NAA15: variants seen among roughly 807,000 people sequenced by gnomAD.
NAA15 encodes the protein N-alpha-acetyltransferase 15, NatA auxiliary subunit.
In NAA15, 34 loss-of-function variants were observed where a neutral mutation model predicts 114.0. The observed-to-expected ratio is 0.30, with a 90% CI of 0.23 to 0.40. The LOEUF (loss-of-function observed/expected upper bound fraction) is 0.40. Among genes scored for constraint, NAA15 ranks in the 10% least tolerant of loss-of-function variants. The pLI is 1.00. For synonymous variants in NAA15, 340 were observed against 338.0 expected (o/e 1.01, Z -0.06); for missense variants, 658 against 1,004.5 (o/e 0.66, Z 4.66).
At chr4:139,335,507 A>G (rs1326001149) in intron 2 of NAA15, among the ~76,000 whole-genome samples, 2 of 152,008 alleles carry the variant, frequency 1.3e-5, no homozygotes, top group Non-Finnish European at 2.9e-5. Flanking sequence ...CTGGGATTAC[A>G]GGCGTGTGCC....
At chr4:139,327,359 C>T (rs1347339781) in intron 1 of NAA15, among the ~76,000 whole-genome samples, 1 of 152,314 alleles carries the variant, frequency 6.6e-6, no homozygotes, top group South Asian at 2.1e-4. Flanking sequence ...AAGTGATTCT[C>T]ATGCCTCAGC....
At chr4:139,346,661 C>G (rs866470075) in intron 6 of NAA15, among the ~76,000 whole-genome samples, 11 of 152,026 alleles carry the variant, frequency 7.2e-5, no homozygotes, top group Admixed American at 6.6e-4. Context: ...AGCGATTCTG[C>G]CTCAGCCTCC....
chr4:139,386,790 C>G (rs1379937455), intron 19 of NAA15, among the ~76,000 whole-genome samples: 1 of 151,976 alleles, frequency 6.6e-6, no homozygotes, highest in Non-Finnish European at 1.5e-5. Context: ...ACGCTGTACT[C>G]CAGTATGGAC....
chr4:139,316,506 T>G (rs915281487), intron 1 of NAA15, among the ~76,000 whole-genome samples: 3 of 151,950 alleles, frequency 2.0e-5, no homozygotes, highest in African/African-American at 7.3e-5. Flanking sequence ...AGTTTCTCAT[T>G]TGAGGTGTTC....
Position 139,351,528 on chromosome 4 carries a change from G to A in NAA15, c.931G>A (p.Asp311Asn). 6.2e-7 allele frequency: 1 copy of A among 1,601,624 alleles called. No homozygotes were observed. The highest frequency in any genetic ancestry group is 1.7e-5 in the Admixed American group (1 of 59,918). The change falls in exon 9 of 20, where the codon GAT becomes AAT. Residue 311 changes from aspartate to asparagine, a missense_variant. Asp to Asn is a conservative substitution (Grantham distance 23). Transcript: ENST00000296543. Reference protein sequence around the residue: ...LSGEKFKECLDKFLRMNFSKG... With the variant: ...LSGEKFKECLNKFLRMNFSKG... ...AGGTGAGAAGTTTAAAGAATGTTTGGATAAGTTCCTAAGGATGAATTTCAG... is the reference window on the plus strand; with the variant it reads ...AGGTGAGAAGTTTAAAGAATGTTTGAATAAGTTCCTAAGGATGAATTTCAG...
chr4:139,323,609 C>T lies in NAA15; in HGVS notation c.55-10565C>T, dbSNP rs913241783. Reference sequence around the variant, plus strand: ...CTCAGGTCAGTGAGACTGCTAAGCTCTGTTTAGGTCCCCCACCCACACCCC... The same window carrying T: ...CTCAGGTCAGTGAGACTGCTAAGCTTTGTTTAGGTCCCCCACCCACACCCC... On this transcript the variant is annotated intron_variant, in intron 1 of 19. Transcript: ENST00000296543. Among the ~76,000 whole-genome samples, 8 of 152,150 alleles carry T rather than the reference C, an allele frequency of 5.3e-5. No homozygotes were observed. In the South Asian group the frequency reaches 1.0e-3, roughly 20 times the overall value.
intron 14 of NAA15, among the ~76,000 whole-genome samples, chr4:139,363,124 A>G (rs566150812): frequency 6.6e-6 from 1 of 152,362 alleles, no homozygotes; most frequent in African/African-American, 2.4e-5. Flanking sequence ...AGAAAACACC[A>G]GTAAGAAGAA....
At chr4:139,379,117 GTTGAAATTTTGAA>G in intron 17 of NAA15, 1 of 271,752 alleles carries the variant, frequency 3.7e-6, no homozygotes. Context: ...TTACATGTAA[GTTGAAATTTTGAA>G]CCATATTTTG....
chr4:139,335,890 G>C (rs1747185053), intron 2 of NAA15, among the ~76,000 whole-genome samples: 1 of 151,498 alleles, frequency 6.6e-6, no homozygotes, highest in Non-Finnish European at 1.5e-5. Context: ...CTCCCAACTA[G>C]CTGGCATTAC....
intron 6 of NAA15, among the ~76,000 whole-genome samples, chr4:139,349,014 A>G (rs1353005733): frequency 2.6e-5 from 4 of 152,216 alleles, no homozygotes; most frequent in African/African-American, 9.6e-5. Flanking sequence ...TAAAGTCTAG[A>G]TAGTTTTTAA....
chr4:139,322,134 G>A (rs1016383638), intron 1 of NAA15, among the ~76,000 whole-genome samples: 5 of 152,186 alleles, frequency 3.3e-5, no homozygotes, highest in Admixed American at 2.0e-4. Context: ...TGGTTTGGCT[G>A]TGTCCCCACC....
chr4:139,344,154 T>C (rs1208758254), intron 5 of NAA15, 32 bp from the exon 6 acceptor site: 1 of 1,520,018 alleles, frequency 6.6e-7, no homozygotes, highest in East Asian at 2.3e-5. Context: ...AATAAAATTC[T>C]TACTGTCAGT....
At chr4:139,331,320 C>G (rs375741490) in intron 1 of NAA15, among the ~76,000 whole-genome samples, 2 of 152,264 alleles carry the variant, frequency 1.3e-5, no homozygotes, top group African/African-American at 4.8e-5. Context: ...TGATACATAG[C>G]TTTTAAATAT....
intron 17 of NAA15, among the ~76,000 whole-genome samples, chr4:139,382,720 A>G (rs1748787856): frequency 6.6e-6 from 1 of 152,214 alleles, no homozygotes; most frequent in African/African-American, 2.4e-5. Context: ...TTGAAAGTAC[A>G]GCCATAGTAG....
At chr4:139,353,788 T>A (rs573032316) in intron 9 of NAA15, among the ~76,000 whole-genome samples, 1 of 152,332 alleles carries the variant, frequency 6.6e-6, no homozygotes, top group Admixed American at 6.5e-5. Flanking sequence ...TCCTGATTTC[T>A]GGTTCAGCTG....
chr4:139,349,625 T>C lies in NAA15; in HGVS notation c.811+44T>C, dbSNP rs372298792. 10 of 1,517,834 alleles carry C rather than the reference T, an allele frequency of 6.6e-6. No homozygotes were observed. The African/African-American group carries it at 1.3e-4, about 19-fold the overall frequency. The allele number at this position is 1,517,834 out of a possible 1,614,324, so 94.0% of individuals were successfully genotyped here. A position where few individuals can be genotyped will look rare whatever the true frequency, so the allele number is the denominator to read the frequency against. On this transcript the variant is annotated intron_variant, in intron 7 of 19. Coordinates refer to ENST00000296543, the MANE Select transcript of NAA15 (RefSeq NM_057175.5). ...TACTAAGTTTTATTGTTTCTTTTGTTAATATATATTTTATTTACTCATTGA... is the reference window on the plus strand; with the variant it reads ...TACTAAGTTTTATTGTTTCTTTTGTCAATATATATTTTATTTACTCATTGA...
chr4:139,362,541 G>A (rs1256296304), intron 14 of NAA15, among the ~76,000 whole-genome samples: 2 of 152,084 alleles, frequency 1.3e-5, no homozygotes, highest in Non-Finnish European at 2.9e-5. Flanking sequence ...CCAGAGTGCT[G>A]GGATTGGCCT....
chr4:139,357,614 T>G, intron 11 of NAA15, 59 bp downstream of exon 11: 3 of 1,134,674 alleles, frequency 2.6e-6, no homozygotes, highest in Non-Finnish European at 3.7e-6. Flanking sequence ...GAACTTTTTC[T>G]CTGTATTTTA....
chr4:139,387,590 A>C (rs954698239), intron 19 of NAA15, among the ~76,000 whole-genome samples: 1 of 152,208 alleles, frequency 6.6e-6, no homozygotes, highest in African/African-American at 2.4e-5. Context: ...GCTTGCTGAG[A>C]GTGAGTGGCT....
Sources: gnomAD v4.1 joint callset for allele counts (sites outside exome capture counted in the v4.1 genomes callset) on GRCh38, gnomAD v4.1.1 for gene constraint, MANE v1.5 for transcripts, NCBI Gene and HGNC (gene_info 2026-07-23, HGNC 2026-07-21) for gene names.